DENND4A: variants seen among roughly 807,000 people sequenced by gnomAD.
DENND4A encodes the protein DENN domain containing 4A, also known as C-myc promoter-binding protein.
In DENND4A, 70 loss-of-function variants were observed where a neutral mutation model predicts 199.3. That is an observed-to-expected ratio of 0.35 (90% CI 0.29 to 0.43). The LOEUF is 0.43. Among genes scored for constraint, DENND4A ranks in the 20% least tolerant of loss-of-function variants. The pLI, the probability that DENND4A is intolerant of heterozygous loss-of-function variation, is 1.00. For missense variants in DENND4A, 1,723 were observed against 2,255.8 expected (o/e 0.76, Z 4.78); for synonymous variants, 686 against 766.9 (o/e 0.89, Z 1.74).
At chr15:65,677,832 ATTTAT>A (rs1190346240) in intron 23 of DENND4A, among the ~76,000 whole-genome samples, 2 of 150,880 alleles carry the variant, frequency 1.3e-5, no homozygotes, top group East Asian at 3.9e-4. Context: ...CCACTGGTCC[ATTTAT>A]CTGTTTTGCA....
chr15:65,717,896 T>C lies in DENND4A; in HGVS notation c.1689A>G (p.Gln563=), dbSNP rs903141365. The C allele has an allele frequency of 2.5e-6, 4 of 1,607,960 alleles. No individual in the cohort carries two copies. Among genetic ancestry groups the C allele is most frequent in the Non-Finnish European group, 2.5e-6 (3 of 1,176,754 alleles). ...AGGCCATGAAAAACAAAAATGCCTC[T>C]TGGATTTCCAAATCTATCATGTGCA... ...KRLHMIDLEI[Q]EAFLFFMASI... Residue 563 remains glutamine, a synonymous_variant, in exon 13 of 33, where the codon CAA becomes CAG. Transcript: ENST00000443035.
At position 65,669,366 on chromosome 15, in the gene DENND4A, T is replaced by C. The variant is rs181912506; in HGVS notation, c.4787+413A>G. ...TTTTAGTTTAATTTCGCAGTTCCTA[T>C]ATCAGCTCCAAATGTTTTCTTAGAT... On this transcript the variant is annotated intron_variant, in intron 27 of 32. Coordinates refer to ENST00000443035, the MANE Select transcript of DENND4A (RefSeq NM_001320835.1). Among the ~76,000 whole-genome samples, 178 of 152,348 alleles carry C rather than the reference T, an allele frequency of 1.2e-3. 1 individual carries two copies. The highest frequency in any genetic ancestry group is 1.9e-3 in the East Asian group (10 of 5,192).
intron 1 of DENND4A, among the ~76,000 whole-genome samples, chr15:65,763,581 T>C (rs2076906311): frequency 6.8e-6 from 1 of 148,008 alleles, no homozygotes; most frequent in Non-Finnish European, 1.5e-5. Context: ...GGGGCTGAGA[T>C]GGGAGGATTG....
chr15:65,701,777 A>G lies in DENND4A; in HGVS notation c.2544T>C (p.Tyr848=), dbSNP rs767103186. 4.3e-6 allele frequency: 7 copies of G among 1,613,658 alleles called. No homozygotes were observed. Among genetic ancestry groups the G allele is most frequent in the South Asian group, 3.3e-5 (3 of 91,072 alleles). ...AGGTATTTACCTTATTATAATAACC[A>G]TAAGTAATGGCATTGGGGTCAATAC... ...KAGIDPNAIT[Y]GYYNKAVLES... The change falls in exon 18 of 33, where the codon TAT becomes TAC. Residue 848 remains tyrosine (Y), a synonymous_variant. Transcript: ENST00000443035.
chr15:65,772,213 AG>A (rs1432668083), intron 1 of DENND4A: 7 of 607,144 alleles, frequency 1.2e-5, no homozygotes, highest in Admixed American at 6.3e-5. Flanking sequence ...GGTGACTTAA[AG>A]GTCTAGAGAC....
rs964228210 is a variant in DENND4A at position 65,659,895 on chromosome 15, A to G, written c.*1956T>C. ...ACTCATTCTTTGTCAGCCATTTGAA[A>G]TCAATAAACTATGATTCCTACATTT... is the stretch of plus-strand genomic sequence containing the variant. On this transcript the variant is annotated 3_prime_UTR_variant, in exon 33 of 33. Coordinates refer to ENST00000443035, the MANE Select transcript of DENND4A (RefSeq NM_001320835.1). 6.3e-6 allele frequency: 1 copy of G among 158,556 alleles called. No homozygotes were observed. Among genetic ancestry groups the G allele is most frequent in the Non-Finnish European group, 1.4e-5 (1 of 72,314 alleles). The allele number at this position is 158,556 out of a possible 1,614,324, so 9.8% of individuals were successfully genotyped here.
intron 7 of DENND4A, among the ~76,000 whole-genome samples, chr15:65,733,304 C>T (rs1957815891): frequency 1.3e-5 from 2 of 151,746 alleles, no homozygotes; most frequent in Admixed American, 6.6e-5. Flanking sequence ...GTTTTTTCCC[C>T]AGAATAAGAT....
At chr15:65,754,675 T>C in intron 3 of DENND4A, among the ~76,000 whole-genome samples, 1 of 152,142 alleles carries the variant, frequency 6.6e-6, no homozygotes, top group East Asian at 1.9e-4. Flanking sequence ...ATGCTCAACA[T>C]CATTAGCCAT....
At chr15:65,776,523 T>G (rs2077287899) in intron 1 of DENND4A, among the ~76,000 whole-genome samples, 1 of 152,206 alleles carries the variant, frequency 6.6e-6, no homozygotes, top group Non-Finnish European at 1.5e-5. Context: ...TCATTAAGTA[T>G]CCCTTTGTAT....
At chr15:65,669,509 T>G (rs965371381) in intron 27 of DENND4A, among the ~76,000 whole-genome samples, 2 of 152,060 alleles carry the variant, frequency 1.3e-5, no homozygotes, top group African/African-American at 4.8e-5. Flanking sequence ...TGTTCTACAT[T>G]TTTTTTACCT....
At chr15:65,750,372 C>T (rs1196866195) in intron 4 of DENND4A, among the ~76,000 whole-genome samples, 1 of 152,120 alleles carries the variant, frequency 6.6e-6, no homozygotes, top group Non-Finnish European at 1.5e-5. Flanking sequence ...TGATAAACCA[C>T]CCATTGGGTT....
At chr15:65,716,510 C>G (rs1036821789) in intron 13 of DENND4A, among the ~76,000 whole-genome samples, 2 of 150,714 alleles carry the variant, frequency 1.3e-5, no homozygotes, top group Non-Finnish European at 2.9e-5. Context: ...GTTTTTTGTC[C>G]TTGCAACAGT....
intron 1 of DENND4A, among the ~76,000 whole-genome samples, chr15:65,779,296 A>G (rs2077371859): frequency 6.6e-6 from 1 of 151,782 alleles, no homozygotes; most frequent in African/African-American, 2.4e-5. Flanking sequence ...TCTCTACTAA[A>G]AATAGAAAAA....
At chr15:65,680,506 G>A (rs1232057524) in intron 23 of DENND4A, 2 of 152,044 alleles carry the variant, frequency 1.3e-5, no homozygotes, top group African/African-American at 2.4e-5. Flanking sequence ...AAAATAAGAC[G>A]AATAGTTGAA....
In DENND4A at chr15:65,694,970, C is replaced by A. The variant is rs190896521; in HGVS notation, c.3082+1396G>T. Among the ~76,000 whole-genome samples, 23 of 152,160 alleles carry A rather than the reference C, an allele frequency of 1.5e-4. No homozygotes were observed. In the East Asian group the frequency reaches 4.2e-3, roughly 28 times the overall value. On this transcript the variant is annotated intron_variant, in intron 22 of 32. Transcript: ENST00000443035. ...ACACAGATCTTAAGAGGAGGGCAAG[C>A]ATGAACAGACAGCAATGAAAGAACA...
At chr15:65,731,178 G>A (rs2075946358) in intron 9 of DENND4A, among the ~76,000 whole-genome samples, 1 of 151,922 alleles carries the variant, frequency 6.6e-6, no homozygotes, top group African/African-American at 2.4e-5. Context: ...GGATACTGTA[G>A]AGAAAACATA....
intron 9 of DENND4A, among the ~76,000 whole-genome samples, chr15:65,730,775 T>C (rs1275288185): frequency 1.3e-5 from 2 of 152,064 alleles, no homozygotes; most frequent in East Asian, 3.8e-4. Flanking sequence ...AAAGAGTTTC[T>C]TTTTAGGGTG....
intron 20 of DENND4A, among the ~76,000 whole-genome samples, 196 bp from the exon 21 acceptor site, chr15:65,697,579 TAAGA>T (rs1252746862): frequency 6.6e-6 from 1 of 152,194 alleles, no homozygotes; most frequent in African/African-American, 2.4e-5. Context: ...TCTATTAATA[TAAGA>T]AAGAGATGAT....
intron 8 of DENND4A, among the ~76,000 whole-genome samples, chr15:65,732,294 C>A (rs1177757040): frequency 6.6e-6 from 1 of 152,054 alleles, no homozygotes; most frequent in Non-Finnish European, 1.5e-5. Flanking sequence ...GGAAACAAGA[C>A]AGAAATCACA....
Sources: gnomAD v4.1 joint callset for allele counts (sites outside exome capture counted in the v4.1 genomes callset) on GRCh38, gnomAD v4.1.1 for gene constraint, MANE v1.5 for transcripts, NCBI Gene and HGNC (gene_info 2026-07-23, HGNC 2026-07-21) for gene names.